The following MME variants were observed in gnomAD, a reference collection of about 807,000 sequenced individuals.
MME encodes the protein neprilysin.
A neutral mutation model predicts 113.2 loss-of-function variants in MME; 98 were observed. The observed-to-expected ratio is 0.87, with a 90% CI of 0.74 to 1.02. The LOEUF is 1.02. Among genes scored for constraint, MME ranks in the 50% least tolerant of loss-of-function variants. MME has a pLI of 0.00. For missense variants in MME, 836 were observed against 896.0 expected (o/e 0.93, Z 0.86); for synonymous variants, 292 against 300.6 (o/e 0.97, Z 0.30).
At chr3:155,169,957 A>G (rs998609655) in intron 20 of MME, among the ~76,000 whole-genome samples, 1 of 152,182 alleles carries the variant, frequency 6.6e-6, no homozygotes, top group African/African-American at 2.4e-5. Context: ...GGTTTCCAAA[A>G]GAATGAGTCC....
chr3:155,032,232 G>A (rs1712996311), intron 1 of MME, among the ~76,000 whole-genome samples: 1 of 152,186 alleles, frequency 6.6e-6, no homozygotes, highest in African/African-American at 2.4e-5. Context: ...CATTTAAGGA[G>A]AAAGATTAGA....
rs900874436 is a variant in MME, at chr3:155,180,653, G to A, written c.*194G>A. 6.7e-6 allele frequency: 4 copies of A among 596,088 alleles called. No individual in the cohort carries two copies. Among genetic ancestry groups the A allele is most frequent in the African/African-American group, 3.8e-5 (2 of 53,234 alleles). The allele number at this position is 596,088 out of a possible 1,614,324, so 36.9% of individuals were successfully genotyped here. A position where few individuals can be genotyped will look rare whatever the true frequency, so the allele number is the denominator to read the frequency against. ...GTGTGGAGGGAGGAAGGGGGTCTAA[G>A]GTCTATCAAGTCAATCATTTCTCAC... On this transcript the variant is annotated 3_prime_UTR_variant, in exon 23 of 23. Transcript: ENST00000360490.
intron 1 of MME, among the ~76,000 whole-genome samples, chr3:155,042,503 G>A (rs772625112): frequency 1.3e-5 from 2 of 152,092 alleles, no homozygotes; most frequent in African/African-American, 2.4e-5. Context: ...TTATACATAT[G>A]TGCATAACAT....
chr3:155,121,493 C>T lies in MME; in HGVS notation c.720+2682C>T, dbSNP rs1160393393. ...TGAGAGAGGACATCCCTGTCTTGTGCCAGTTTTCAAAGGGAATGCTTCCAG... is the reference window on the plus strand; with the variant it reads ...TGAGAGAGGACATCCCTGTCTTGTGTCAGTTTTCAAAGGGAATGCTTCCAG... On this transcript the variant is annotated intron_variant, in intron 8 of 22. Coordinates refer to ENST00000360490, the MANE Select transcript of MME (RefSeq NM_007289.4). Among the ~76,000 whole-genome samples, 3 of 147,142 alleles carry T rather than the reference C, an allele frequency of 2.0e-5. No individual in the cohort carries two copies. In the East Asian group the frequency reaches 6.2e-4, roughly 31 times the overall value.
At chr3:155,179,027 G>A (rs1450834747) in intron 22 of MME, among the ~76,000 whole-genome samples, 1 of 152,158 alleles carries the variant, frequency 6.6e-6, no homozygotes, top group African/African-American at 2.4e-5. Flanking sequence ...TGCTTTGATA[G>A]GGATAGTCCC....
intron 3 of MME, among the ~76,000 whole-genome samples, chr3:155,102,536 A>G (rs1717343191): frequency 6.6e-6 from 1 of 152,172 alleles, no homozygotes; most frequent in African/African-American, 2.4e-5. Flanking sequence ...GGATTCATGG[A>G]AAGAACTTGC....
chr3:155,050,538 T>G (rs917444464), intron 1 of MME, among the ~76,000 whole-genome samples: 1 of 152,202 alleles, frequency 6.6e-6, no homozygotes. Flanking sequence ...TCACGTGAGA[T>G]AGTATGTCAT....
chr3:155,181,268 GA>G lies in MME; in HGVS notation c.*811del, dbSNP rs1713061716. ...TTATTATAGGTAATCAATGAATATT[GA>G]AGTTTCAGCTTAAAATAAACAGTTG... is the stretch of plus-strand genomic sequence containing the variant. On this transcript the variant is annotated 3_prime_UTR_variant, in exon 23 of 23. Transcript: ENST00000360490. The G allele has an allele frequency of 6.6e-6, 1 of 151,896 alleles. No homozygotes were observed. Among genetic ancestry groups the G allele is most frequent in the Non-Finnish European group, 1.5e-5 (1 of 68,000 alleles). The allele number at this position is 151,896 out of a possible 1,614,324, so 9.4% of individuals were successfully genotyped here.
Position 155,168,632 on chromosome 3 carries a change from C to T in MME, c.1914+7C>T, listed in dbSNP as rs753689781. 1 of 1,613,616 alleles carries T rather than the reference C, an allele frequency of 6.2e-7. No homozygotes were observed. The highest frequency in any genetic ancestry group is 1.7e-5 in the Admixed American group (1 of 59,968). ...CCTGGCAGGTGGACAGCACGTATGT[C>T]ATTAGCATTCTCTTGAAAAGTTTTA... On this transcript the variant is annotated splice_region_variant and intron_variant, in intron 19 of 22. Coordinates refer to ENST00000360490, the MANE Select transcript of MME (RefSeq NM_007289.4).
chr3:155,126,770 C>T (rs763870805), intron 8 of MME, among the ~76,000 whole-genome samples: 1 of 151,816 alleles, frequency 6.6e-6, no homozygotes, highest in Non-Finnish European at 1.5e-5. Context: ...GAGGCCAAGG[C>T]GGGTGGATCA....
At chr3:155,143,392 C>T in intron 12 of MME, 51 bp from the exon 13 acceptor site, 2 of 1,600,040 alleles carry the variant, frequency 1.2e-6, no homozygotes, top group South Asian at 1.1e-5. Flanking sequence ...TCTTAACATG[C>T]TCCAGACCTT....
chr3:155,171,258 G>A (rs1427396767), intron 20 of MME, among the ~76,000 whole-genome samples: 3 of 152,064 alleles, frequency 2.0e-5, no homozygotes, highest in East Asian at 1.9e-4. Flanking sequence ...GCTAGATTGC[G>A]AGCTCTCTAA....
At chr3:155,064,346 C>T (rs1262569739) in intron 1 of MME, among the ~76,000 whole-genome samples, 3 of 152,054 alleles carry the variant, frequency 2.0e-5, no homozygotes, top group Non-Finnish European at 4.4e-5. Flanking sequence ...AAGCACTGTT[C>T]TAACCCTCTG....
chr3:155,131,841 A>G (rs1720172519), intron 8 of MME, among the ~76,000 whole-genome samples: 1 of 151,968 alleles, frequency 6.6e-6, no homozygotes, highest in South Asian at 2.1e-4. Context: ...ACAACTGCAC[A>G]CTAGCTGACA....
chr3:155,126,581 C>A (rs929363816), intron 8 of MME, among the ~76,000 whole-genome samples: 2 of 151,858 alleles, frequency 1.3e-5, no homozygotes, highest in Non-Finnish European at 2.9e-5. Flanking sequence ...CAATATTTTT[C>A]AAAATTGAAA....
intron 1 of MME, among the ~76,000 whole-genome samples, chr3:155,069,374 CAG>C (rs1714482458): frequency 1.3e-5 from 2 of 152,044 alleles, no homozygotes; most frequent in Non-Finnish European, 1.5e-5. Context: ...CTAGAAATAA[CAG>C]AGAAAATTAA....
At chr3:155,168,904 A>C in intron 20 of MME, 107 bp downstream of exon 20, 2 of 928,170 alleles carry the variant, frequency 2.2e-6, no homozygotes. Context: ...TAAGCAGTAA[A>C]TGATGAATAG....
At chr3:155,041,806 T>G (rs1208940784) in intron 1 of MME, among the ~76,000 whole-genome samples, 2 of 152,194 alleles carry the variant, frequency 1.3e-5, no homozygotes, top group African/African-American at 4.8e-5. Context: ...ATGAAAACTT[T>G]AAATTCTTAT....
chr3:155,092,792 T>C (rs996704775), intron 3 of MME, among the ~76,000 whole-genome samples: 4 of 152,178 alleles, frequency 2.6e-5, no homozygotes, highest in Non-Finnish European at 5.9e-5. Flanking sequence ...GAAATTTCTA[T>C]AAGAAGCAAA....
Sources: gnomAD v4.1 joint callset for allele counts (sites outside exome capture counted in the v4.1 genomes callset) on GRCh38, gnomAD v4.1.1 for gene constraint, MANE v1.5 for transcripts, NCBI Gene and HGNC (gene_info 2026-07-23, HGNC 2026-07-21) for gene names.